PARD3B: variants seen among roughly 807,000 people sequenced by gnomAD.
PARD3B encodes the protein partitioning defective 3 homolog B.
In PARD3B, 103 loss-of-function variants were observed where a neutral mutation model predicts 130.2. The ratio of observed to expected loss-of-function variants is 0.79; its 90% CI spans 0.67 to 0.93. The LOEUF (loss-of-function observed/expected upper bound fraction) is 0.93. Ranked by LOEUF, PARD3B falls within the 40% of genes least tolerant of loss-of-function variation. PARD3B has a pLI of 0.00. For synonymous variants in PARD3B, 583 were observed against 553.2 expected (o/e 1.05, Z -0.76); for missense variants, 1,609 against 1,499.2 (o/e 1.07, Z -1.21).
chr2:205,499,900 C>A lies in PARD3B; in HGVS notation c.3049C>A (p.Arg1017Ser), dbSNP rs554253375. ...TTATTTGTCTATATCCTGTAGTGGC[C>A]GTCCTACGGGTGGAAGCACTGACCG... ...YHPLVPADSG[R>S]PTGGSTDRIQ... Residue 1017 changes from arginine to serine, a missense_variant, in exon 21 of 23, where the codon CGT becomes AGT. Arg to Ser is a moderately radical substitution (Grantham distance 110, BLOSUM62 -1). Transcript: ENST00000406610. 3 of 1,613,182 alleles carry A rather than the reference C, an allele frequency of 1.9e-6. No individual in the cohort carries two copies. The highest frequency in any genetic ancestry group is 2.5e-6 in the Non-Finnish European group (3 of 1,179,444).
intron 10 of PARD3B, among the ~76,000 whole-genome samples, chr2:205,154,289 T>G (rs982446587): frequency 6.6e-6 from 1 of 152,180 alleles, no homozygotes; most frequent in Non-Finnish European, 1.5e-5. Flanking sequence ...AACAGACACA[T>G]GAAAACATGC....
At chr2:204,875,834 T>C (rs1430643381) in intron 2 of PARD3B, among the ~76,000 whole-genome samples, 1 of 152,162 alleles carries the variant, frequency 6.6e-6, no homozygotes, top group Non-Finnish European at 1.5e-5. Flanking sequence ...ATGTCATTGG[T>C]TTGTTGATAA....
chr2:205,511,146 TC>T (rs2050574319), intron 21 of PARD3B, among the ~76,000 whole-genome samples: 1 of 152,112 alleles, frequency 6.6e-6, no homozygotes, highest in Non-Finnish European at 1.5e-5. Flanking sequence ...TTATCACTCC[TC>T]TTAATTTGTT....
chr2:205,133,364 T>C (rs1349869055), intron 10 of PARD3B, among the ~76,000 whole-genome samples: 1 of 152,192 alleles, frequency 6.6e-6, no homozygotes, highest in Non-Finnish European at 1.5e-5. Context: ...CAGAGTGTGG[T>C]CTCAGGCTAG....
In PARD3B at chr2:204,606,218, G is replaced by A. The variant is rs72928389; in HGVS notation, c.120+60099G>A. Among the ~76,000 whole-genome samples, 2 of 152,258 alleles carry A rather than the reference G, an allele frequency of 1.3e-5. No individual in the cohort carries two copies. The highest frequency in any genetic ancestry group is 1.9e-4 in the East Asian group (1 of 5,180). On this transcript the variant is annotated intron_variant, in intron 1 of 22. Transcript: ENST00000406610. The surrounding 1 kb of genome is among the most constrained non-coding windows in gnomAD (Gnocchi z 4.0). The stretch of plus-strand genomic sequence containing the variant: ...TGCCACACATGTGGCATAGTGCAGC[G>A]CCTTATGTATTGGTGTTTAAAATCA...
At chr2:205,609,126 A>G (rs948139556) in intron 22 of PARD3B, among the ~76,000 whole-genome samples, 1 of 152,188 alleles carries the variant, frequency 6.6e-6, no homozygotes, top group Non-Finnish European at 1.5e-5. Context: ...AAAGCTATGT[A>G]ATATACGTTG....
chr2:205,364,608 T>A (rs1233010215), intron 18 of PARD3B, among the ~76,000 whole-genome samples: 1 of 152,186 alleles, frequency 6.6e-6, no homozygotes, highest in Non-Finnish European at 1.5e-5. Context: ...TCACAACTCT[T>A]GAATATCGTA....
intron 2 of PARD3B, among the ~76,000 whole-genome samples, chr2:204,845,713 T>C (rs544850139): frequency 2.2e-4 from 34 of 152,106 alleles, no homozygotes; most frequent in Admixed American, 1.1e-3. Context: ...GAATAGACTC[T>C]GATTTCCGTT....
chr2:205,155,477 A>G (rs1047667663), intron 10 of PARD3B, among the ~76,000 whole-genome samples: 1 of 152,244 alleles, frequency 6.6e-6, no homozygotes, highest in Non-Finnish European at 1.5e-5. Context: ...CCTGGATGCT[A>G]AATTGAATTT....
intron 21 of PARD3B, among the ~76,000 whole-genome samples, chr2:205,542,592 G>T (rs2052205367): frequency 1.3e-5 from 2 of 152,138 alleles, no homozygotes; most frequent in Admixed American, 6.5e-5. Context: ...ATTCCAGCAT[G>T]AATGGTAGGA....
At position 205,615,825 on chromosome 2, in the gene PARD3B, C is replaced by T. The variant is rs368945010; in HGVS notation, c.*12C>T. The T allele has an allele frequency of 4.4e-6, 7 of 1,598,854 alleles. No homozygotes were observed. Among genetic ancestry groups the T allele is most frequent in the African/African-American group, 2.7e-5 (2 of 74,484 alleles). On this transcript the variant is annotated 3_prime_UTR_variant, in exon 23 of 23. Transcript: ENST00000406610. ...CTGCAGCCGTATAGCTGAGTGCCAC[C>T]GAGGCCAGCCCGGTCCAGAAAGGAA...
At chr2:204,924,874 A>G (rs1211404529) in intron 2 of PARD3B, among the ~76,000 whole-genome samples, 1 of 152,014 alleles carries the variant, frequency 6.6e-6, no homozygotes, top group African/African-American at 2.4e-5. Context: ...CAAAAACTGT[A>G]TATTGAGCAG....
chr2:205,194,773 A>C (rs1055006087), intron 15 of PARD3B, among the ~76,000 whole-genome samples: 1 of 151,784 alleles, frequency 6.6e-6, no homozygotes, highest in Non-Finnish European at 1.5e-5. Flanking sequence ...TTTACATTTT[A>C]ATTTTATTAT....
At chr2:205,033,932 A>G (rs1021140002) in intron 3 of PARD3B, among the ~76,000 whole-genome samples, 1 of 152,172 alleles carries the variant, frequency 6.6e-6, no homozygotes, top group African/African-American at 2.4e-5. Flanking sequence ...GGGATTGTTT[A>G]GCATCGTTGT....
At chr2:205,326,834 G>T (rs115178046) in intron 18 of PARD3B, among the ~76,000 whole-genome samples, 17 of 152,202 alleles carry the variant, frequency 1.1e-4, no homozygotes, top group African/African-American at 3.9e-4. Flanking sequence ...GTACATTCTT[G>T]TACAGTAGTA....
rs556583731 is a variant in PARD3B, at chr2:205,230,812, C to A, written c.2141-14966C>A. 6.6e-6 allele frequency among the ~76,000 whole-genome samples: 1 copy of A among 152,232 alleles called. No homozygotes were observed. The highest frequency in any genetic ancestry group is 2.4e-5 in the African/African-American group (1 of 41,548). On this transcript the variant is annotated intron_variant, in intron 15 of 22. Transcript: ENST00000406610. This position sits in a 1 kb window ranked among gnomAD's most constrained non-coding sequence, Gnocchi z 4.1. The stretch of plus-strand genomic sequence containing the variant: ...CTTGGCAGAACTCAGGTTCTGACTG[C>A]TGGGATGGGCAATTTCCCTCTGGCT...
intron 4 of PARD3B, among the ~76,000 whole-genome samples, chr2:205,092,120 T>A (rs1027142814): frequency 1.3e-5 from 2 of 152,130 alleles, no homozygotes; most frequent in Non-Finnish European, 2.9e-5. Flanking sequence ...AAGATGCCTG[T>A]GGACATGGAT....
At chr2:205,023,766 T>G (rs1696808854) in intron 3 of PARD3B, among the ~76,000 whole-genome samples, 1 of 152,092 alleles carries the variant, frequency 6.6e-6, no homozygotes, top group Non-Finnish European at 1.5e-5. Context: ...AAAGGATGCA[T>G]GGATGAACTC....
At chr2:205,518,794 C>T (rs779678885) in intron 21 of PARD3B, among the ~76,000 whole-genome samples, 34 of 152,144 alleles carry the variant, frequency 2.2e-4, no homozygotes, top group Admixed American at 1.0e-3. Flanking sequence ...ATTCCCTCAA[C>T]GTTTGCTTAT....
Sources: gnomAD v4.1 joint callset for allele counts (sites outside exome capture counted in the v4.1 genomes callset) on GRCh38, gnomAD v4.1.1 for gene constraint, Gnocchi (gnomAD v3.1) non-coding constraint, MANE v1.5 for transcripts, NCBI Gene and HGNC (gene_info 2026-07-23, HGNC 2026-07-21) for gene names.